SORCS1: variants seen among roughly 807,000 people sequenced by gnomAD.
The protein encoded by SORCS1 is VPS10 domain-containing receptor SorCS1.
A neutral mutation model predicts 146.1 loss-of-function variants in SORCS1; 60 were observed. The observed-to-expected ratio is 0.41, with a 90% CI of 0.33 to 0.51. The LOEUF is 0.51. Among genes scored for constraint, SORCS1 ranks in the 20% least tolerant of loss-of-function variants. The pLI, the probability that SORCS1 is intolerant of heterozygous loss-of-function variation, is 0.21. For synonymous variants in SORCS1, 637 were observed against 584.0 expected (o/e 1.09, Z -1.31); for missense variants, 1,352 against 1,487.6 (o/e 0.91, Z 1.50).
At chr10:106,840,865 T>TATATA (rs1564721109) in intron 2 of SORCS1, among the ~76,000 whole-genome samples, 25 of 116,138 alleles carry the variant, frequency 2.2e-4, no homozygotes, top group South Asian at 5.8e-4. Context: ...ATATATATAT[T>TATATA]TTTTTTTTTT....
intron 18 of SORCS1, among the ~76,000 whole-genome samples, chr10:106,636,789 G>T (rs1848752794): frequency 6.6e-6 from 1 of 152,124 alleles, no homozygotes; most frequent in African/African-American, 2.4e-5. Context: ...GTTCAAATTT[G>T]CCTAGAGTCA....
intron 2 of SORCS1, among the ~76,000 whole-genome samples, chr10:106,874,947 T>A (rs1950543667): frequency 6.6e-6 from 1 of 152,182 alleles, no homozygotes; most frequent in Non-Finnish European, 1.5e-5. Flanking sequence ...TTTTGCTTTG[T>A]TTTTATTTTT....
At position 106,971,901 on chromosome 10, in the gene SORCS1, T is replaced by C. The variant is rs1955803049; in HGVS notation, c.559-15321A>G. Among the ~76,000 whole-genome samples the C allele has an allele frequency of 2.0e-5, 3 of 152,210 alleles. No homozygotes were observed. The South Asian group carries it at 6.2e-4, about 31-fold the overall frequency. On this transcript the variant is annotated intron_variant, in intron 1 of 25. Coordinates refer to ENST00000263054, the MANE Select transcript of SORCS1 (RefSeq NM_052918.5). ...TTCCTCTGAGACTCTCAAAATCTCTTCTTCTGTGTAATAGGAGCAAGGCCA... is the reference window on the plus strand; with the variant it reads ...TTCCTCTGAGACTCTCAAAATCTCTCCTTCTGTGTAATAGGAGCAAGGCCA...
At chr10:106,692,629 T>C (rs184122955) in intron 9 of SORCS1, among the ~76,000 whole-genome samples, 1 of 152,332 alleles carries the variant, frequency 6.6e-6, no homozygotes, top group East Asian at 1.9e-4. Flanking sequence ...TACATCTTAA[T>C]AAAGCTGTTT....
chr10:106,993,541 C>A (rs1400418392), intron 1 of SORCS1, among the ~76,000 whole-genome samples: 1 of 152,096 alleles, frequency 6.6e-6, no homozygotes, highest in Non-Finnish European at 1.5e-5. Flanking sequence ...GCAGGAATTT[C>A]TTTTAAAAAC....
intron 2 of SORCS1, among the ~76,000 whole-genome samples, chr10:106,849,981 G>C (rs1949482628): frequency 1.3e-5 from 2 of 152,130 alleles, no homozygotes; most frequent in South Asian, 2.1e-4. Context: ...AACCACTGCT[G>C]TCTTCAAAGC....
At chr10:106,624,241 G>T (rs1847933900) in intron 19 of SORCS1, among the ~76,000 whole-genome samples, 1 of 151,956 alleles carries the variant, frequency 6.6e-6, no homozygotes, top group Admixed American at 6.6e-5. Context: ...GGTGAGGGTA[G>T]AGTAAGTGAA....
intron 17 of SORCS1, among the ~76,000 whole-genome samples, chr10:106,655,022 A>G (rs890520239): frequency 2.0e-5 from 3 of 152,146 alleles, no homozygotes; most frequent in Middle Eastern, 3.4e-3. Flanking sequence ...ACGAATGGCT[A>G]ATTTTTGTAT....
At chr10:106,699,431 G>C in intron 8 of SORCS1, 38 bp from the exon 9 acceptor site, 1 of 1,551,176 alleles carries the variant, frequency 6.4e-7, no homozygotes, top group East Asian at 2.3e-5. Flanking sequence ...GGGAAAAAGA[G>C]TTTTATACAT....
chr10:106,665,455 C>A (rs1222228952), intron 17 of SORCS1, among the ~76,000 whole-genome samples: 1 of 151,192 alleles, frequency 6.6e-6, no homozygotes, highest in East Asian at 1.9e-4. Flanking sequence ...ACTCCTGGAC[C>A]CAAACGATCC....
At chr10:107,031,494 T>C (rs1227067816) in intron 1 of SORCS1, among the ~76,000 whole-genome samples, 1 of 152,206 alleles carries the variant, frequency 6.6e-6, no homozygotes, top group African/African-American at 2.4e-5. Flanking sequence ...ATTTCCATTC[T>C]TATTGAAAAA....
chr10:106,919,326 C>A (rs1952593805), intron 2 of SORCS1, among the ~76,000 whole-genome samples: 1 of 152,144 alleles, frequency 6.6e-6, no homozygotes, highest in Non-Finnish European at 1.5e-5. Flanking sequence ...GGTTTTTCCC[C>A]CTTCAGATCC....
intron 1 of SORCS1, among the ~76,000 whole-genome samples, chr10:107,097,021 G>A (rs1378798082): frequency 6.6e-6 from 1 of 152,116 alleles, no homozygotes; most frequent in African/African-American, 2.4e-5. Flanking sequence ...GTGCTTTAAG[G>A]AGAATAACCT....
intron 12 of SORCS1, among the ~76,000 whole-genome samples, chr10:106,678,198 C>T (rs1852178497): frequency 1.3e-5 from 2 of 152,042 alleles, no homozygotes; most frequent in South Asian, 2.1e-4. Context: ...AAGATGCAAC[C>T]CAAGACTATA....
chr10:107,089,371 A>G (rs1042579702), intron 1 of SORCS1, among the ~76,000 whole-genome samples: 1 of 152,186 alleles, frequency 6.6e-6, no homozygotes, highest in African/African-American at 2.4e-5. Flanking sequence ...TCCAACACAT[A>G]TGAGTAGTGT....
chr10:107,045,339 T>C (rs1959276042), intron 1 of SORCS1, among the ~76,000 whole-genome samples: 1 of 152,158 alleles, frequency 6.6e-6, no homozygotes, highest in Non-Finnish European at 1.5e-5. Flanking sequence ...AGGTCCATAC[T>C]TTTCCTAAAT....
intron 3 of SORCS1, among the ~76,000 whole-genome samples, chr10:106,825,029 T>C (rs79289511): frequency 0.025 from 3,791 of 152,234 alleles, 141 homozygotes; most frequent in African/African-American, 0.085. Context: ...CTTTTCCAAG[T>C]AAAAAACCAA....
chr10:106,911,314 G>C (rs1952138287), intron 2 of SORCS1, among the ~76,000 whole-genome samples: 1 of 152,214 alleles, frequency 6.6e-6, no homozygotes, highest in Non-Finnish European at 1.5e-5. Flanking sequence ...TTACAGCAGA[G>C]TGTACCACCA....
chr10:107,131,998 T>C (rs822323), intron 1 of SORCS1, among the ~76,000 whole-genome samples: 4,496 of 152,332 alleles, frequency 0.03, 238 homozygotes, highest in African/African-American at 0.1. Flanking sequence ...TCAATGTTTC[T>C]TTCTTTGAGA....
Sources: gnomAD v4.1 joint callset for allele counts (sites outside exome capture counted in the v4.1 genomes callset) on GRCh38, gnomAD v4.1.1 for gene constraint, MANE v1.5 for transcripts, NCBI Gene and HGNC (gene_info 2026-07-23, HGNC 2026-07-21) for gene names.